Variants in PRRG2 observed in about 807,000 individuals in gnomAD.
PRRG2 encodes transmembrane gamma-carboxyglutamic acid protein 2.
In PRRG2, 23 loss-of-function variants were observed where a neutral mutation model predicts 27.1. The ratio of observed to expected loss-of-function variants is 0.85; its 90% CI spans 0.61 to 1.20. PRRG2 has a LOEUF of 1.20. Among genes scored for constraint, PRRG2 ranks in the 50% most tolerant of loss-of-function variants. The pLI is 0.00. For synonymous variants in PRRG2, 104 were observed against 103.4 expected, an observed-to-expected ratio of 1.01 and a Z score of -0.03; for missense variants, 276 against 254.8, an observed-to-expected ratio of 1.08 and a Z score of -0.57.
chr19:49,584,291 C>A (rs1427441888), intron 4 of PRRG2, among the ~76,000 whole-genome samples: 1 of 151,976 alleles, frequency 6.6e-6, no homozygotes, highest in Non-Finnish European at 1.5e-5. Context: ...CTGCCTCAGC[C>A]TCCCGAGTAG....
At chr19:49,584,201 C>T (rs1382480861) in intron 4 of PRRG2, among the ~76,000 whole-genome samples, 3 of 149,272 alleles carry the variant, frequency 2.0e-5, no homozygotes, top group East Asian at 2.0e-4. Context: ...GACAGAGTCT[C>T]GCTCTGTTGC....
rs1251783228 is a variant in PRRG2, at chr19:49,590,385, A to T, written c.605A>T (p.His202Leu). ...PPPYTSLRRP[H>L] ...TCCTCTTGCAGCCTCAGGAGGCCTC[A>T]CTGAAGAGCTGCTTTCGAGACCCGG... The change falls in exon 7 of 7, where the codon CAC (histidine) becomes CTC (leucine). Residue 202 changes from histidine to leucine, a missense_variant. Coordinates refer to ENST00000246794, the MANE Select transcript of PRRG2 (RefSeq NM_000951.3). 1 of 1,614,070 alleles carries T rather than the reference A, an allele frequency of 6.2e-7. No homozygotes were observed. Among genetic ancestry groups the T allele is most frequent in the Non-Finnish European group, 8.5e-7 (1 of 1,179,990 alleles).
In PRRG2 at chr19:49,583,599, C is replaced by T; in HGVS notation, c.143C>T (p.Pro48Leu). The change falls in exon 3 of 7, where the codon CCA becomes CTA. Residue 48 changes from proline (P) to leucine (L), a missense_variant. Pro to Leu is a moderately conservative substitution (Grantham distance 98). Coordinates refer to ENST00000246794, the MANE Select transcript of PRRG2 (RefSeq NM_000951.3). The stretch of plus-strand genomic sequence containing the variant: ...TTCCTGAGTAGCCATACCCGGATTC[C>T]AAGAGCCAACCACTGGGACCTGGAG... The part of the protein sequence containing the change: ...QSFLSSHTRI[P>L]RANHWDLELL... The T allele has an allele frequency of 6.2e-7, 1 of 1,614,200 alleles. No homozygotes were observed. The highest frequency in any genetic ancestry group is 8.5e-7 in the Non-Finnish European group (1 of 1,180,042).
Position 49,586,607 on chromosome 19 carries a change from C to G in PRRG2, c.302-1890C>G, listed in dbSNP as rs554842102. On this transcript the variant is annotated intron_variant, in intron 4 of 6. Transcript: ENST00000246794. ...GTGGCTCACGCCTGTAATCCCAGCA[C>G]TTTGGGAGGCCAAGGCGGGTGGATC... Among the ~76,000 whole-genome samples the G allele has an allele frequency of 8.3e-4, 127 of 152,140 alleles. 1 individual carries two copies. The South Asian group carries it at 0.017, about 21-fold the overall frequency.
chr19:49,585,111 CGAA>C lies in PRRG2; in HGVS notation c.301+1164_301+1166del, dbSNP rs948521078. Among the ~76,000 whole-genome samples, 35 of 152,302 alleles carry C rather than the reference CGAA, an allele frequency of 2.3e-4. No homozygotes were observed. In the East Asian group the frequency reaches 6.4e-3, roughly 28 times the overall value. On this transcript the variant is annotated intron_variant, in intron 4 of 6. Coordinates refer to ENST00000246794, the MANE Select transcript of PRRG2 (RefSeq NM_000951.3). ...CGGGGCCTGGCCAGGCCAGACCAGA[CGAA>C]GAAGCCTGAAGCAGTACCTGGCTGA...
At chr19:49,587,954 T>G (rs2080684427) in intron 4 of PRRG2, among the ~76,000 whole-genome samples, 1 of 122,308 alleles carries the variant, frequency 8.2e-6, no homozygotes, top group Admixed American at 7.4e-5. Context: ...TTTGTTTGTT[T>G]GTTTGTTTTG....
intron 4 of PRRG2, among the ~76,000 whole-genome samples, chr19:49,587,198 C>G (rs1337415940): frequency 6.6e-6 from 1 of 151,804 alleles, no homozygotes; most frequent in African/African-American, 2.4e-5. Context: ...CCTATGTTGC[C>G]CAGGCTGGGC....
In PRRG2 at chr19:49,583,608, A is replaced by G. The variant is rs750973776; in HGVS notation, c.152A>G (p.Asn51Ser). 2 of 1,614,078 alleles carry G rather than the reference A, an allele frequency of 1.2e-6. No homozygotes were observed. Among genetic ancestry groups the G allele is most frequent in the East Asian group, 4.5e-5 (2 of 44,900 alleles). Residue 51 changes from asparagine to serine, a missense_variant, in exon 3 of 7, where the codon AAC (asparagine) becomes AGC (serine). Transcript: ENST00000246794. ...AGCCATACCCGGATTCCAAGAGCCA[A>G]CCACTGGGACCTGGAGCTGCTCACA... Reference protein sequence around the residue: ...LSSHTRIPRANHWDLELLTPG... With the variant: ...LSSHTRIPRASHWDLELLTPG...
At chr19:49,589,446 T>TTA (rs1491562107) in intron 5 of PRRG2, among the ~76,000 whole-genome samples, 10 of 116,900 alleles carry the variant, frequency 8.6e-5, no homozygotes, top group Non-Finnish European at 1.2e-4. Flanking sequence ...TTTTTTTTTT[T>TTA]AAAAAAAGAC....
intron 1 of PRRG2, among the ~76,000 whole-genome samples, 174 bp from the exon 2 acceptor site, chr19:49,583,030 CAAA>C (rs112161078): frequency 8.3e-6 from 1 of 119,850 alleles, no homozygotes; most frequent in Non-Finnish European, 1.8e-5. Flanking sequence ...GACTCCATGT[CAAA>C]AAAAAAAAAA....
At chr19:49,584,360 C>T (rs566025353) in intron 4 of PRRG2, among the ~76,000 whole-genome samples, 7 of 151,988 alleles carry the variant, frequency 4.6e-5, no homozygotes, top group Middle Eastern at 3.4e-3. Flanking sequence ...TTAGTAGAGA[C>T]GGGGTTTCAC....
Position 49,587,359 on chromosome 19 carries a change from C to T in PRRG2, c.302-1138C>T, listed in dbSNP as rs188769658. 3.1e-4 allele frequency among the ~76,000 whole-genome samples: 45 copies of T among 143,520 alleles called. 1 individual carries two copies. Among genetic ancestry groups the T allele is most frequent in the African/African-American group, 9.6e-4 (37 of 38,370 alleles). The allele number at this position is 143,520 out of a possible 152,430, so 94.2% of individuals were successfully genotyped here. On this transcript the variant is annotated intron_variant, in intron 4 of 6. Coordinates refer to ENST00000246794, the MANE Select transcript of PRRG2 (RefSeq NM_000951.3). ...TTTTTTTTTTTGAGGGCGACAGAGT[C>T]TCTCTCTGTCATCCAGCCTGGAGGG...
upstream of PRRG2, chr19:49,581,278 G>A: frequency 6.6e-6 from 1 of 152,074 alleles, no homozygotes; most frequent in East Asian, 1.9e-4. Flanking sequence ...TAAATACTTT[G>A]TCCCTTACCT....
chr19:49,590,322 A>G (rs1481404756), intron 6 of PRRG2, 49 bp from the exon 7 acceptor site: 2 of 1,613,600 alleles, frequency 1.2e-6, no homozygotes, highest in South Asian at 1.1e-5. Context: ...TGAAGGGGGG[A>G]GAAAAACAGC....
chr19:49,590,134 C>T (rs2080706497), intron 6 of PRRG2, 82 bp downstream of exon 6: 2 of 1,388,682 alleles, frequency 1.4e-6, no homozygotes, highest in East Asian at 5.0e-5. Flanking sequence ...AGGGGCGGGA[C>T]TTGGAATTTG....
At chr19:49,582,491 T>C (rs2080634907) in intron 1 of PRRG2, among the ~76,000 whole-genome samples, 1 of 151,934 alleles carries the variant, frequency 6.6e-6, no homozygotes, top group Non-Finnish European at 1.5e-5. Context: ...CCGGGCACAG[T>C]GGCTCACGCC....
At chr19:49,583,745 G>A (rs1423933268) in intron 3 of PRRG2, 28 bp downstream of exon 3, 15 of 1,611,910 alleles carry the variant, frequency 9.3e-6, no homozygotes, top group Middle Eastern at 1.6e-4. Flanking sequence ...CTGGAGTTTC[G>A]GGCCCTCTCT....
chr19:49,590,370 G>C lies in PRRG2; in HGVS notation c.591-1G>C. On this transcript the variant is annotated splice_acceptor_variant, in intron 6 of 6. Transcript: ENST00000246794. LOFTEE classifies it high-confidence loss of function. ...TCCCTAGTGTGCCTTTCCTCTTGCAGCCTCAGGAGGCCTCACTGAAGAGCT... is the reference window on the plus strand; with the variant it reads ...TCCCTAGTGTGCCTTTCCTCTTGCACCCTCAGGAGGCCTCACTGAAGAGCT... The C allele has an allele frequency of 1.2e-6, 2 of 1,614,146 alleles. No homozygotes were observed. The highest frequency in any genetic ancestry group is 1.7e-6 in the Non-Finnish European group (2 of 1,180,010).
At chr19:49,589,793 C>T (rs1007453233) in intron 5 of PRRG2, 107 bp from the exon 6 acceptor site, 33 of 1,269,418 alleles carry the variant, frequency 2.6e-5, no homozygotes, top group Non-Finnish European at 3.4e-5. Flanking sequence ...CCTTCCAGCT[C>T]TGTCCCAGTG....
Sources: allele counts gnomAD v4.1 joint callset (sites outside exome capture counted in the v4.1 genomes callset), GRCh38; gene constraint gnomAD v4.1.1; transcripts MANE v1.5; gene names NCBI Gene and HGNC (gene_info 2026-07-23, HGNC 2026-07-21).